HERC2: variants seen among roughly 807,000 people sequenced by gnomAD.
HERC2 encodes the protein E3 ubiquitin-protein ligase HERC2.
In HERC2, 102 loss-of-function variants were observed where a neutral mutation model predicts 537.7. That is an observed-to-expected ratio of 0.19 (90% CI 0.16 to 0.22). The LOEUF (loss-of-function observed/expected upper bound fraction) is 0.22, where lower values mean the gene tolerates loss of function less well. Ranked by LOEUF, HERC2 falls within the 10% of genes least tolerant of loss-of-function variation. The pLI is 1.00. For synonymous variants in HERC2, 2,224 were observed against 2,466.2 expected (o/e 0.90, Z 2.91); for missense variants, 4,236 against 6,198.2 (o/e 0.68, Z 10.63).
chr15:28,214,590 C>T (rs1596251340), intron 40 of HERC2, 65 bp downstream of exon 40: 1 of 1,580,196 alleles, frequency 6.3e-7, no homozygotes, highest in South Asian at 1.1e-5. Context: ...GAAACGGCCA[C>T]CCACCTGAGT....
At chr15:28,254,866 A>C (rs1283314375) in intron 19 of HERC2, among the ~76,000 whole-genome samples, 2 of 152,238 alleles carry the variant, frequency 1.3e-5, no homozygotes, top group East Asian at 1.9e-4. Context: ...GGACAAGAAG[A>C]AGCTGGAATT....
At chr15:28,310,104 A>C (rs1305012491) in intron 2 of HERC2, among the ~76,000 whole-genome samples, 1 of 152,220 alleles carries the variant, frequency 6.6e-6, no homozygotes, top group African/African-American at 2.4e-5. Context: ...CAGGAGTTTA[A>C]AACCAATCTA....
intron 4 of HERC2, among the ~76,000 whole-genome samples, chr15:28,284,673 A>G (rs2076106262): frequency 6.6e-6 from 1 of 152,136 alleles, no homozygotes; most frequent in African/African-American, 2.4e-5. Context: ...CTGTAATCCT[A>G]GCACTTTGGG....
chr15:28,275,145 T>G, intron 5 of HERC2, 140 bp from the exon 6 acceptor site: 2 of 493,408 alleles, frequency 4.1e-6, no homozygotes, highest in Non-Finnish European at 7.2e-6. Flanking sequence ...AGTGGATTTT[T>G]CGTTTTGTTG....
intron 86 of HERC2, 66 bp from the exon 87 acceptor site, chr15:28,117,220 T>G: frequency 7.4e-4 from 1,116 of 1,508,910 alleles, no homozygotes; most frequent in Non-Finnish European, 9.5e-4. Context: ...GTCGGGGATA[T>G]GCGGCACTGG....
intron 4 of HERC2, among the ~76,000 whole-genome samples, chr15:28,286,328 A>G (rs560834955): frequency 6.6e-6 from 1 of 152,306 alleles, no homozygotes; most frequent in African/African-American, 2.4e-5. Context: ...AGTACAAAGT[A>G]CAGAACAATA....
At chr15:28,181,633 C>T (rs1229502073) in intron 57 of HERC2, among the ~76,000 whole-genome samples, 1 of 152,214 alleles carries the variant, frequency 6.6e-6, no homozygotes, top group East Asian at 1.9e-4. Flanking sequence ...GAGGAATTTG[C>T]TTTGTGGCTC....
intron 23 of HERC2, among the ~76,000 whole-genome samples, chr15:28,240,184 CA>C (rs1437366606): frequency 1.3e-5 from 2 of 152,136 alleles, no homozygotes; most frequent in Non-Finnish European, 2.9e-5. Context: ...TTTGGGAGGC[CA>C]AGGTGGGCAG....
chr15:28,112,573 G>A (rs986043603), intron 92 of HERC2, among the ~76,000 whole-genome samples: 2 of 152,150 alleles, frequency 1.3e-5, no homozygotes, highest in Admixed American at 6.5e-5. Flanking sequence ...CGATCCATCC[G>A]CCCAGGCACT....
rs1888996695 is a variant in HERC2 at position 28,122,241 on chromosome 15, C to T, written c.13189-812G>A. 6.6e-6 allele frequency among the ~76,000 whole-genome samples: 1 copy of T among 152,238 alleles called. No individual in the cohort carries two copies. Among genetic ancestry groups the T allele is most frequent in the Non-Finnish European group, 1.5e-5 (1 of 68,040 alleles). Reference sequence around the variant, plus strand: ...AGCCGTTCCCCAGGAGGGAGCAGGTCGGCCATGCCCGTGGGGAAAGGGCAG... The same window carrying T: ...AGCCGTTCCCCAGGAGGGAGCAGGTTGGCCATGCCCGTGGGGAAAGGGCAG... On this transcript the variant is annotated intron_variant, in intron 85 of 92. Coordinates refer to ENST00000261609, the MANE Select transcript of HERC2 (RefSeq NM_004667.6). This position sits in a 1 kb window ranked among gnomAD's most constrained non-coding sequence, Gnocchi z 4.1.
Position 28,177,393 on chromosome 15 carries a change from A to T in HERC2, c.9254+26T>A. Reference sequence around the variant, plus strand: ...AGTCAGAAACAGTTTCTTATTAGCAAATGAGACTAAAAAAAGTACCCTTAC... The same window carrying T: ...AGTCAGAAACAGTTTCTTATTAGCATATGAGACTAAAAAAAGTACCCTTAC... On this transcript the variant is annotated intron_variant, in intron 60 of 92. Coordinates refer to ENST00000261609, the MANE Select transcript of HERC2 (RefSeq NM_004667.6). This position sits in a 1 kb window ranked among gnomAD's most constrained non-coding sequence, Gnocchi z 5.0. The T allele has an allele frequency of 6.3e-7, 1 of 1,592,414 alleles. No individual in the cohort carries two copies. Among genetic ancestry groups the T allele is most frequent in the African/African-American group, 1.3e-5 (1 of 74,624 alleles).
At chr15:28,300,642 T>G (rs1422489976) in intron 2 of HERC2, among the ~76,000 whole-genome samples, 1 of 146,668 alleles carries the variant, frequency 6.8e-6, no homozygotes, top group Non-Finnish European at 1.5e-5. Flanking sequence ...GCCAACATGG[T>G]GAAACCCCAT....
intron 40 of HERC2, 51 bp downstream of exon 40, chr15:28,214,604 G>A (rs369531791): frequency 1.7e-5 from 27 of 1,599,052 alleles, no homozygotes; most frequent in Middle Eastern, 2.3e-4. Context: ...CCTGAGTGAC[G>A]GCACTGCGCC....
chr15:28,256,014 T>C lies in HERC2; in HGVS notation c.2747-18A>G. The C allele has an allele frequency of 2.5e-6, 4 of 1,605,436 alleles. No individual in the cohort carries two copies. The highest frequency in any genetic ancestry group is 3.4e-6 in the Non-Finnish European group (4 of 1,179,844). ...GCCTGAAACTGAAATAGAAAGTGTG[T>C]GCCAATTTGAGTGAAACGCCATTCC... On this transcript the variant is annotated intron_variant, in intron 18 of 92. Transcript: ENST00000261609.
At position 28,169,514 on chromosome 15, in the gene HERC2, A is replaced by G; in HGVS notation, c.10199T>C (p.Ile3400Thr). The change falls in exon 66 of 93, where the codon ATT becomes ACT. Residue 3400 changes from isoleucine (I) to threonine (T), a missense_variant. By Grantham distance (89) the Ile-to-Thr change is moderately conservative. Coordinates refer to ENST00000261609, the MANE Select transcript of HERC2 (RefSeq NM_004667.6). ...NLAKQQALSH[I>T]LTALQIMYAR... is the part of the protein sequence containing the mutation. ...ATACATGATTTGCAATGCTGTAAGA[A>G]TATGTGATAAGGCCTGCTGTTTGGC... The G allele has an allele frequency of 6.2e-7, 1 of 1,610,166 alleles. No homozygotes were observed.
intron 71 of HERC2, among the ~76,000 whole-genome samples, chr15:28,145,762 A>C (rs1206696618): frequency 1.3e-5 from 2 of 152,166 alleles, no homozygotes; most frequent in Non-Finnish European, 2.9e-5. Flanking sequence ...AGACCATTTC[A>C]CAAGCACCCA....
intron 23 of HERC2, among the ~76,000 whole-genome samples, chr15:28,244,399 C>T (rs1903454133): frequency 6.6e-6 from 1 of 151,994 alleles, no homozygotes. Flanking sequence ...TGGGTAGGGA[C>T]AAGAACTTAG....
At chr15:28,279,014 T>A (rs1173698143) in intron 5 of HERC2, among the ~76,000 whole-genome samples, 1 of 152,212 alleles carries the variant, frequency 6.6e-6, no homozygotes, top group African/African-American at 2.4e-5. Flanking sequence ...TTTTTGCTTC[T>A]TTTTGAGACA....
rs201995643 is a variant in HERC2 at position 28,257,273 on chromosome 15, C to T, written c.2317-12G>A. 1.2e-5 allele frequency: 19 copies of T among 1,611,262 alleles called. No homozygotes were observed. The highest frequency in any genetic ancestry group is 3.3e-5 in the Admixed American group (2 of 59,820). On this transcript the variant is annotated splice_polypyrimidine_tract_variant and intron_variant, in intron 16 of 92. Coordinates refer to ENST00000261609, the MANE Select transcript of HERC2 (RefSeq NM_004667.6). Reference sequence around the variant, plus strand: ...GACCAAGCAAAGCTCTAAGAGGAAACGCAACAATCTAAAATGAATCTCCAA... The same window carrying T: ...GACCAAGCAAAGCTCTAAGAGGAAATGCAACAATCTAAAATGAATCTCCAA...
Sources: allele counts gnomAD v4.1 joint callset (sites outside exome capture counted in the v4.1 genomes callset), GRCh38; gene constraint gnomAD v4.1.1; non-coding constraint Gnocchi (gnomAD v3.1); transcripts MANE v1.5; gene names NCBI Gene and HGNC (gene_info 2026-07-23, HGNC 2026-07-21).